Variants in GRIN2D observed in about 807,000 individuals in gnomAD.
GRIN2D encodes glutamate ionotropic receptor NMDA type subunit 2D, also known as glutamate receptor ionotropic, NMDA 2D.
Under a neutral mutation model 103.2 loss-of-function variants are expected in GRIN2D, and 37 were observed. The observed-to-expected ratio is 0.36, with a 90% confidence interval of 0.28 to 0.47. The LOEUF is 0.47. GRIN2D is among the 20% of genes least tolerant of loss of function. The probability of loss-of-function intolerance (pLI) is 1.00; values close to 1 mark genes in which losing one functional copy is unlikely to be tolerated. For missense variants in GRIN2D, 1,557 were observed against 1,910.6 expected, an observed-to-expected ratio of 0.81 and a Z score of 3.45; for synonymous variants, 845 against 885.6, an observed-to-expected ratio of 0.95 and a Z score of 0.81.
chr19:48,398,154 C>T (rs944525672), intron 2 of GRIN2D, among the ~76,000 whole-genome samples: 1 of 151,620 alleles, frequency 6.6e-6, no homozygotes, highest in Non-Finnish European at 1.5e-5. Flanking sequence ...CCATTTCTCT[C>T]TCCCTCTGTC....
At chr19:48,438,296 T>TTTTTTGTTTTTTG in intron 11 of GRIN2D, among the ~76,000 whole-genome samples, 1 of 122,352 alleles carries the variant, frequency 8.2e-6, no homozygotes, top group African/African-American at 3.4e-5. Context: ...CCTTTTTTTT[T>TTTTTTGTTTTTTG]TTTTTTTTTT....
At position 48,405,205 on chromosome 19, in the gene GRIN2D, C is replaced by A. The variant is rs373524397; in HGVS notation, c.937C>A (p.Arg313=). The part of the protein sequence containing the change: ...GLFAVRSAGW[R]DDLARRVAAG... ...GTTTGCAGTGCGCTCGGCTGGCTGG[C>A]GGGATGACCTGGCTCGGCGAGTGGC... Residue 313 remains arginine (R), a synonymous_variant, in exon 4 of 14, where the codon CGG becomes AGG. Coordinates refer to ENST00000263269, the MANE Select transcript of GRIN2D (RefSeq NM_000836.4). The surrounding 1 kb of genome is among the most constrained non-coding windows in gnomAD (Gnocchi z 5.1). 3.1e-6 allele frequency: 5 copies of A among 1,602,796 alleles called. No individual in the cohort carries two copies. The African/African-American group carries it at 5.3e-5, about 17-fold the overall frequency.
chr19:48,404,830 G>T lies in GRIN2D; in HGVS notation c.562G>T (p.Val188Leu), dbSNP rs77520296. ...GGAGGAGTATGACTGGACGTCCTTT[G>T]TAGCCGTGACCACTCGTGCCCCTGG... ...VLEEYDWTSF[V>L]AVTTRAPGHR... is the part of the protein sequence containing the mutation. Residue 188 changes from valine to leucine, a missense_variant, in exon 4 of 14, where the codon GTA becomes TTA. Physicochemically the swap from Val to Leu is conservative, Grantham distance 32. Transcript: ENST00000263269. 192 of 1,614,062 alleles carry T rather than the reference G, an allele frequency of 1.2e-4. No individual in the cohort carries two copies. The highest frequency in any genetic ancestry group is 1.5e-4 in the Non-Finnish European group (179 of 1,180,038).
intron 10 of GRIN2D, among the ~76,000 whole-genome samples, chr19:48,420,157 G>C (rs887566079): frequency 6.6e-6 from 1 of 152,068 alleles, no homozygotes; most frequent in South Asian, 2.1e-4. Flanking sequence ...GGCTGGGCGC[G>C]GTGGCTCACA....
At chr19:48,419,478 C>A in intron 9 of GRIN2D, 107 bp from the exon 10 acceptor site, 1 of 1,395,314 alleles carries the variant, frequency 7.2e-7, no homozygotes, top group African/African-American at 1.4e-5. Flanking sequence ...CGGGAGGTGC[C>A]AGATGCCTTG....
rs151320030 is a variant in GRIN2D, at chr19:48,404,132, C to T, written c.466-602C>T. Among the ~76,000 whole-genome samples, 771 of 151,750 alleles carry T rather than the reference C, an allele frequency of 5.1e-3. 6 individuals carry two copies. Among genetic ancestry groups the T allele is most frequent in the African/African-American group, 0.017 (709 of 41,340 alleles). On this transcript the variant is annotated intron_variant, in intron 3 of 13. Coordinates refer to ENST00000263269, the MANE Select transcript of GRIN2D (RefSeq NM_000836.4). The stretch of plus-strand genomic sequence containing the variant: ...GCGCACGCCTATAGTCCCAGCTACT[C>T]GGGAGGCTGAGGCAGGAGAACTGCT...
chr19:48,402,808 A>G (rs1156240302), intron 3 of GRIN2D, among the ~76,000 whole-genome samples: 1 of 122,972 alleles, frequency 8.1e-6, no homozygotes, highest in African/African-American at 3.4e-5. Flanking sequence ...GAGAGAGAAT[A>G]GGGAACAGTC....
chr19:48,429,169 A>G (rs1971125528), intron 11 of GRIN2D, among the ~76,000 whole-genome samples: 1 of 152,002 alleles, frequency 6.6e-6, no homozygotes, highest in African/African-American at 2.4e-5. Context: ...TTAGTTCTAT[A>G]TTTATCAGAG....
chr19:48,430,888 T>G lies in GRIN2D; in HGVS notation c.2252+8943T>G, dbSNP rs113139896. On this transcript the variant is annotated intron_variant, in intron 11 of 13. Coordinates refer to ENST00000263269, the MANE Select transcript of GRIN2D (RefSeq NM_000836.4). ...AGGCTGGAGCACAGTGGCACGATCT[T>G]GGCTCACTGCAGCCTCTGCCTCCTG... Among the ~76,000 whole-genome samples, 620 of 151,398 alleles carry G rather than the reference T, an allele frequency of 4.1e-3. 5 individuals carry two copies. The highest frequency in any genetic ancestry group is 0.014 in the African/African-American group (591 of 41,186).
chr19:48,398,749 C>A lies in GRIN2D; in HGVS notation c.357C>A (p.Asp119Glu), dbSNP rs1402668430. ...GLRVHGVVFEDDSRAPAVAPI... is the reference protein window; with the variant it reads ...GLRVHGVVFEEDSRAPAVAPI... ...GCGTGCACGGCGTGGTCTTCGAAGA[C>A]GACTCGCGCGCGCCCGCCGTCGCGC... is the stretch of plus-strand genomic sequence containing the variant. The change falls in exon 3 of 14, where the codon GAC becomes GAA. Residue 119 changes from aspartate (D) to glutamate (E), a missense_variant. Physicochemically the swap from Asp to Glu is conservative, Grantham distance 45. Coordinates refer to ENST00000263269, the MANE Select transcript of GRIN2D (RefSeq NM_000836.4). 5 of 1,465,160 alleles carry A rather than the reference C, an allele frequency of 3.4e-6. No individual in the cohort carries two copies. Among genetic ancestry groups the A allele is most frequent in the Non-Finnish European group, 9.0e-7 (1 of 1,114,506 alleles). The allele number at this position is 1,465,160 out of a possible 1,614,324, so 90.8% of individuals were successfully genotyped here.
At position 48,444,126 on chromosome 19, in the gene GRIN2D, C is replaced by A. The variant is rs1971350713; in HGVS notation, c.*189C>A. The A allele has an allele frequency of 4.7e-6, 2 of 425,224 alleles. No individual in the cohort carries two copies. The highest frequency in any genetic ancestry group is 8.3e-6 in the Non-Finnish European group (2 of 242,112). 26.3% of individuals were successfully genotyped at this position (425,224 alleles called of 1,614,324 possible). A position where few individuals can be genotyped will look rare whatever the true frequency, so the allele number is the denominator to read the frequency against. On this transcript the variant is annotated 3_prime_UTR_variant, in exon 14 of 14. Coordinates refer to ENST00000263269, the MANE Select transcript of GRIN2D (RefSeq NM_000836.4). The surrounding 1 kb of genome is among the most constrained non-coding windows in gnomAD (Gnocchi z 5.5). Reference sequence around the variant, plus strand: ...AGCCGGAGAGGATTTGGTCCCTCAACTATCACCCAGCCTGAGAACGAGGGG... The same window carrying A: ...AGCCGGAGAGGATTTGGTCCCTCAAATATCACCCAGCCTGAGAACGAGGGG...
chr19:48,442,713 C>A lies in GRIN2D; in HGVS notation c.2787C>A (p.Pro929=). 1 of 1,141,574 alleles carries A rather than the reference C, an allele frequency of 8.8e-7. No homozygotes were observed. The highest frequency in any genetic ancestry group is 4.8e-5 in the East Asian group (1 of 20,794). The allele number at this position is 1,141,574 out of a possible 1,614,324, so 70.7% of individuals were successfully genotyped here. Residue 929 remains proline (P), a synonymous_variant, in exon 14 of 14, where the codon CCC becomes CCA. Transcript: ENST00000263269. The surrounding 1 kb of genome is among the most constrained non-coding windows in gnomAD (Gnocchi z 7.2). The part of the protein sequence containing the change: ...AYPAPRPAPG[P]APFVPRERAS... ...CCGCGCCGCGGCCGGCTCCCGGGCC[C>A]GCACCTTTCGTGCCCCGCGAGCGCG...
chr19:48,414,553 C>G lies in GRIN2D; in HGVS notation c.1381C>G (p.Pro461Ala). 1 of 1,553,598 alleles carries G rather than the reference C, an allele frequency of 6.4e-7. No homozygotes were observed. Among genetic ancestry groups the G allele is most frequent in the Non-Finnish European group, 8.7e-7 (1 of 1,148,998 alleles). Residue 461 changes from proline (P) to alanine (A), a missense_variant, in exon 6 of 14, where the codon CCC (proline) becomes GCC (alanine). By Grantham distance (27) the Pro-to-Ala change is conservative. Coordinates refer to ENST00000263269, the MANE Select transcript of GRIN2D (RefSeq NM_000836.4). This position sits in a 1 kb window ranked among gnomAD's most constrained non-coding sequence, Gnocchi z 4.6. ...ISGTCIRDSV[P>A]CRSQLNRTHS... Reference sequence around the variant, plus strand: ...CGGCACCTGCATCCGAGACTCCGTCCCCTGCCGGAGCCAGCTCAACCGAAC... The same window carrying G: ...CGGCACCTGCATCCGAGACTCCGTCGCCTGCCGGAGCCAGCTCAACCGAAC...
chr19:48,401,269 A>G (rs896001711), intron 3 of GRIN2D, among the ~76,000 whole-genome samples: 1 of 151,834 alleles, frequency 6.6e-6, no homozygotes, highest in Non-Finnish European at 1.5e-5. Flanking sequence ...GGGGGGGAAA[A>G]AAAGAGAGGG....
chr19:48,443,212 T>C lies in GRIN2D; in HGVS notation c.3286T>C (p.Cys1096Arg), dbSNP rs1971328591. The change falls in exon 14 of 14, where the codon TGC (cysteine) becomes CGC (arginine). Residue 1096 changes from cysteine (C) to arginine (R), a missense_variant. Coordinates refer to ENST00000263269, the MANE Select transcript of GRIN2D (RefSeq NM_000836.4). This position sits in a 1 kb window ranked among gnomAD's most constrained non-coding sequence, Gnocchi z 8.9. ...GGGAPAAPPP[C>R]RAAPPPCPYL... The stretch of plus-strand genomic sequence containing the variant: ...AGGAGCCCCGGCCGCTCCGCCCCCG[T>C]GCCGCGCCGCGCCGCCCCCGTGCCC... 2 of 1,272,588 alleles carry C rather than the reference T, an allele frequency of 1.6e-6. No individual in the cohort carries two copies. The highest frequency in any genetic ancestry group is 7.2e-5 in the Admixed American group (2 of 27,780). The allele number at this position is 1,272,588 out of a possible 1,614,324, so 78.8% of individuals were successfully genotyped here. A position where few individuals can be genotyped will look rare whatever the true frequency, so the allele number is the denominator to read the frequency against.
chr19:48,421,722 G>A lies in GRIN2D; in HGVS notation c.2092-63G>A. The A allele has an allele frequency of 1.4e-6, 2 of 1,399,068 alleles. No individual in the cohort carries two copies. Among genetic ancestry groups the A allele is most frequent in the Admixed American group, 3.6e-5 (2 of 54,990 alleles). 86.7% of individuals were successfully genotyped at this position (1,399,068 alleles called of 1,614,324 possible). Reference sequence around the variant, plus strand: ...CCAGATAGCGGGTGTGTCTCAGAATGGGTGATTTATGTTAGGGATGTCCCT... The same window carrying A: ...CCAGATAGCGGGTGTGTCTCAGAATAGGTGATTTATGTTAGGGATGTCCCT... On this transcript the variant is annotated intron_variant, in intron 10 of 13. Coordinates refer to ENST00000263269, the MANE Select transcript of GRIN2D (RefSeq NM_000836.4). This position sits in a 1 kb window ranked among gnomAD's most constrained non-coding sequence, Gnocchi z 4.8.
rs1233530304 is a variant in GRIN2D, at chr19:48,412,847, AGAG to A, written c.1086-1139_1086-1137del. On this transcript the variant is annotated intron_variant, in intron 4 of 13. Coordinates refer to ENST00000263269, the MANE Select transcript of GRIN2D (RefSeq NM_000836.4). ...CACATTAAAAAAAAAAAAAAAAGAA[AGAG>A]GAGGGCATGGTGGCTCATGCCTGTA... 4.4e-3 allele frequency among the ~76,000 whole-genome samples: 645 copies of A among 147,144 alleles called. 4 individuals carry two copies. The highest frequency in any genetic ancestry group is 0.015 in the African/African-American group (594 of 39,922).
chr19:48,398,942 G>T, intron 3 of GRIN2D, 85 bp downstream of exon 3: 1 of 1,142,198 alleles, frequency 8.8e-7, no homozygotes, highest in South Asian at 2.4e-5. Context: ...AGCGGGGGCG[G>T]GGCCTAGAGG....
In GRIN2D at chr19:48,444,067, G is replaced by C. The variant is rs1207742765; in HGVS notation, c.*130G>C. ...AACTGGCCGGACCCCGCCTGGAGCA[G>C]CGTCCTGCGCCCCCTGGTTCTGGAG... On this transcript the variant is annotated 3_prime_UTR_variant, in exon 14 of 14. Coordinates refer to ENST00000263269, the MANE Select transcript of GRIN2D (RefSeq NM_000836.4). This position sits in a 1 kb window ranked among gnomAD's most constrained non-coding sequence, Gnocchi z 5.5. 1.6e-5 allele frequency: 9 copies of C among 563,740 alleles called. No individual in the cohort carries two copies. Among genetic ancestry groups the C allele is most frequent in the Non-Finnish European group, 2.2e-5 (8 of 356,834 alleles). 34.9% of individuals were successfully genotyped at this position (563,740 alleles called of 1,614,324 possible).
Sources: allele counts gnomAD v4.1 joint callset (sites outside exome capture counted in the v4.1 genomes callset), GRCh38; gene constraint gnomAD v4.1.1; non-coding constraint Gnocchi (gnomAD v3.1); transcripts MANE v1.5; gene names NCBI Gene and HGNC (gene_info 2026-07-23, HGNC 2026-07-21).